Variants in CADPS2 observed in about 807,000 individuals in gnomAD.
CADPS2 encodes the protein calcium dependent secretion activator 2, also known as calcium-dependent secretion activator 2.
In CADPS2, 93 loss-of-function variants were observed where a neutral mutation model predicts 172.5. The observed-to-expected ratio is 0.54, with a 90% CI of 0.46 to 0.64. The LOEUF (loss-of-function observed/expected upper bound fraction) is 0.64. Ranked by LOEUF, CADPS2 falls within the 30% of genes least tolerant of loss-of-function variation. CADPS2 has a pLI of 0.00. For synonymous variants in CADPS2, 546 were observed against 555.2 expected, an observed-to-expected ratio of 0.98 and a Z score of 0.23; for missense variants, 1,420 against 1,565.9, an observed-to-expected ratio of 0.91 and a Z score of 1.57.
chr7:122,808,834 A>C (rs6963770), intron 1 of CADPS2, among the ~76,000 whole-genome samples: 1,872 of 152,322 alleles, frequency 0.012, 39 homozygotes, highest in African/African-American at 0.043. Context: ...ACAGATTTTC[A>C]GTACAAAAAG....
chr7:122,377,969 C>T (rs1264959521), intron 25 of CADPS2, among the ~76,000 whole-genome samples: 6 of 152,064 alleles, frequency 3.9e-5, no homozygotes, highest in Non-Finnish European at 7.4e-5. Context: ...GAACTATACT[C>T]CCATTACCCA....
At chr7:122,567,857 T>TA (rs1304652133) in intron 7 of CADPS2, among the ~76,000 whole-genome samples, 4 of 151,808 alleles carry the variant, frequency 2.6e-5, no homozygotes, top group East Asian at 1.9e-4. Context: ...ACATTCAACC[T>TA]AAAAAAAGCA....
At chr7:122,759,965 G>T (rs949226413) in intron 1 of CADPS2, among the ~76,000 whole-genome samples, 22 of 150,922 alleles carry the variant, frequency 1.5e-4, no homozygotes, top group African/African-American at 4.4e-4. Flanking sequence ...TTATTTATGT[G>T]GGTGTATATA....
intron 6 of CADPS2, among the ~76,000 whole-genome samples, chr7:122,584,022 A>T (rs1190127646): frequency 6.6e-6 from 1 of 151,638 alleles, no homozygotes; most frequent in Admixed American, 6.6e-5. Flanking sequence ...CTTTAAAAAA[A>T]ATACTAGAAT....
intron 2 of CADPS2, among the ~76,000 whole-genome samples, chr7:122,695,876 G>A (rs2136138963): frequency 6.6e-6 from 1 of 152,306 alleles, no homozygotes; most frequent in East Asian, 1.9e-4. Flanking sequence ...ACAAGGATGT[G>A]GAGGGAGAAT....
intron 1 of CADPS2, among the ~76,000 whole-genome samples, chr7:122,801,880 TGCGCAG>T (rs1797738691): frequency 6.6e-6 from 1 of 151,986 alleles, no homozygotes; most frequent in Non-Finnish European, 1.5e-5. Flanking sequence ...TGAGCCACTC[TGCGCAG>T]GTGAGAATCA....
At chr7:122,671,409 G>A (rs897524719) in intron 2 of CADPS2, among the ~76,000 whole-genome samples, 1 of 152,156 alleles carries the variant, frequency 6.6e-6, no homozygotes, top group Non-Finnish European at 1.5e-5. Context: ...CAATACTGCA[G>A]AGGAAGAAAT....
chr7:122,687,105 A>C (rs1291560529), intron 2 of CADPS2, among the ~76,000 whole-genome samples: 1 of 152,188 alleles, frequency 6.6e-6, no homozygotes, highest in Non-Finnish European at 1.5e-5. Context: ...AAACCCTTCA[A>C]ACTAAATACT....
intron 1 of CADPS2, among the ~76,000 whole-genome samples, chr7:122,883,286 C>G (rs1332752628): frequency 6.6e-6 from 1 of 152,096 alleles, no homozygotes; most frequent in Non-Finnish European, 1.5e-5. Flanking sequence ...GACTCCTGGC[C>G]TCCTGGGTAA....
At chr7:122,562,639 G>T (rs1162287617) in intron 7 of CADPS2, among the ~76,000 whole-genome samples, 2 of 152,082 alleles carry the variant, frequency 1.3e-5, no homozygotes, top group East Asian at 3.9e-4. Flanking sequence ...TGTAGACAAT[G>T]AAAGCTAAAA....
At chr7:122,339,213 A>G (rs2036387300) in intron 28 of CADPS2, among the ~76,000 whole-genome samples, 1 of 152,238 alleles carries the variant, frequency 6.6e-6, no homozygotes, top group Non-Finnish European at 1.5e-5. Context: ...CTGAAAAAGT[A>G]CATTATCAGC....
chr7:122,731,574 A>G (rs1299069321), intron 2 of CADPS2, among the ~76,000 whole-genome samples: 1 of 151,642 alleles, frequency 6.6e-6, no homozygotes, highest in African/African-American at 2.4e-5. Context: ...AAACCAAAAA[A>G]TGGCCAAAAA....
In CADPS2 at chr7:122,394,577, T is replaced by A. The variant is rs563437370; in HGVS notation, c.2747-995A>T. 9.9e-5 allele frequency among the ~76,000 whole-genome samples: 15 copies of A among 152,144 alleles called. No individual in the cohort carries two copies. In the East Asian group the frequency reaches 2.9e-3, roughly 29 times the overall value. On this transcript the variant is annotated intron_variant, in intron 20 of 29. Coordinates refer to ENST00000449022, the MANE Select transcript of CADPS2 (RefSeq NM_017954.11). ...CCTGAAGAGACAGAAGAACCTTCCA[T>A]GGAAGACTTAAAGGGGAGGTTTCCA...
At chr7:122,587,879 T>C (rs1214236512) in intron 6 of CADPS2, among the ~76,000 whole-genome samples, 1 of 152,100 alleles carries the variant, frequency 6.6e-6, no homozygotes, top group African/African-American at 2.4e-5. Flanking sequence ...ACATCTGTTG[T>C]TTCTTGACTT....
chr7:122,393,527 C>A lies in CADPS2; in HGVS notation c.2802G>T (p.Leu934Phe), dbSNP rs1001566555. ...CCATGAGATCCACATAGCGGACAAC[C>A]AAGGGTACAAAGATTTCTTGCAAGT... ...HKHLQEIFVP[L>F]VVRYVDLMES... Residue 934 changes from leucine to phenylalanine, a missense_variant, in exon 21 of 30, where the codon TTG becomes TTT. Physicochemically the swap from Leu to Phe is conservative, Grantham distance 22. Coordinates refer to ENST00000449022, the MANE Select transcript of CADPS2 (RefSeq NM_017954.11). 3 of 1,613,624 alleles carry A rather than the reference C, an allele frequency of 1.9e-6. No homozygotes were observed. The highest frequency in any genetic ancestry group is 2.5e-6 in the Non-Finnish European group (3 of 1,179,816).
chr7:122,565,740 A>G lies in CADPS2; in HGVS notation c.1336-11051T>C, dbSNP rs561776669. The stretch of plus-strand genomic sequence containing the variant: ...TGACAAAATTATACATATTTACACT[A>G]TACAACATGTTTTAATATCCATCTA... On this transcript the variant is annotated intron_variant, in intron 7 of 29. Transcript: ENST00000449022. Among the ~76,000 whole-genome samples the G allele has an allele frequency of 2.6e-5, 4 of 152,336 alleles. No individual in the cohort carries two copies. The East Asian group carries it at 7.7e-4, about 29-fold the overall frequency.
At chr7:122,619,800 T>C (rs966444586) in intron 5 of CADPS2, among the ~76,000 whole-genome samples, 3 of 152,194 alleles carry the variant, frequency 2.0e-5, no homozygotes, top group African/African-American at 7.2e-5. Context: ...TAACATGCTA[T>C]GTAGTTTCAA....
chr7:122,386,268 G>A (rs1434750285), intron 24 of CADPS2: 4 of 1,388,500 alleles, frequency 2.9e-6, no homozygotes, highest in Non-Finnish European at 9.5e-7. Flanking sequence ...AATGAAATGT[G>A]CTTTTAGAAA....
intron 3 of CADPS2, among the ~76,000 whole-genome samples, chr7:122,660,641 T>G (rs13226270): frequency 6.6e-6 from 1 of 150,814 alleles, no homozygotes; most frequent in Non-Finnish European, 1.5e-5. Context: ...CCAAGCGCTG[T>G]GGCTCACACC....
Sources: gnomAD v4.1 joint callset for allele counts (sites outside exome capture counted in the v4.1 genomes callset) on GRCh38, gnomAD v4.1.1 for gene constraint, MANE v1.5 for transcripts, NCBI Gene and HGNC (gene_info 2026-07-23, HGNC 2026-07-21) for gene names.